Variants in SH3GL3 observed in about 807,000 individuals in gnomAD.
The protein encoded by SH3GL3 is endophilin-A3.
In SH3GL3, 33 loss-of-function variants were observed where a neutral mutation model predicts 47.7. That is an observed-to-expected ratio of 0.69 (90% CI 0.52 to 0.92). The LOEUF is 0.92. SH3GL3 is among the 40% of genes least tolerant of loss of function. The probability of loss-of-function intolerance (pLI) is 0.00; values close to 1 mark genes in which losing one functional copy is unlikely to be tolerated. For synonymous variants in SH3GL3, 155 were observed against 148.8 expected (o/e 1.04, Z -0.30); for missense variants, 363 against 417.8 (o/e 0.87, Z 1.14).
chr15:83,559,451 A>G, intron 2 of SH3GL3, 130 bp downstream of exon 2: 3 of 618,942 alleles, frequency 4.8e-6, no homozygotes, highest in Non-Finnish European at 2.9e-6. Flanking sequence ...TATGCAATCT[A>G]CAAGGCAGTA....
intron 8 of SH3GL3, among the ~76,000 whole-genome samples, chr15:83,592,587 T>C (rs1183567517): frequency 6.6e-6 from 1 of 152,230 alleles, no homozygotes; most frequent in Non-Finnish European, 1.5e-5. Context: ...GTGGGAACAT[T>C]GGTGTCAGGG....
At chr15:83,534,573 A>C (rs1003589032) in intron 1 of SH3GL3, among the ~76,000 whole-genome samples, 1 of 152,262 alleles carries the variant, frequency 6.6e-6, no homozygotes, top group Non-Finnish European at 1.5e-5. Context: ...GACTTCATAA[A>C]GAAGAAATTT....
At chr15:83,633,148 G>A in the SH3GL3 span, among the ~76,000 whole-genome samples, 1,725 of 150,716 alleles carry the variant, frequency 0.011, 13 homozygotes, top group South Asian at 0.022. Flanking sequence ...TAGGAAAACC[G>A]ATGCAAAATA....
At chr15:83,578,422 C>T (rs1324633194) in intron 6 of SH3GL3, among the ~76,000 whole-genome samples, 3 of 152,168 alleles carry the variant, frequency 2.0e-5, no homozygotes, top group Admixed American at 6.5e-5. Context: ...ACCATGTCGT[C>T]CTTATAACAG....
downstream of SH3GL3, among the ~76,000 whole-genome samples, chr15:83,621,018 T>C (rs780850737): frequency 1.3e-5 from 2 of 152,228 alleles, no homozygotes; most frequent in Non-Finnish European, 2.9e-5. Flanking sequence ...CCACCCCTGC[T>C]AGCCTCAGAC....
chr15:83,542,561 A>G (rs1007767159), intron 1 of SH3GL3, among the ~76,000 whole-genome samples: 9 of 152,138 alleles, frequency 5.9e-5, no homozygotes, highest in African/African-American at 1.9e-4. Context: ...TTGCTTTAGT[A>G]GGTATGAAAT....
intron 1 of SH3GL3, among the ~76,000 whole-genome samples, chr15:83,523,524 C>T (rs2043293092): frequency 1.3e-5 from 2 of 152,170 alleles, no homozygotes; most frequent in South Asian, 4.1e-4. Context: ...CAAGCCTTCC[C>T]AGAGGGCAGT....
chr15:83,490,161 T>C (rs941172725), intron 1 of SH3GL3, among the ~76,000 whole-genome samples: 1 of 152,064 alleles, frequency 6.6e-6, no homozygotes, highest in African/African-American at 2.4e-5. Context: ...TGGGGCCCCT[T>C]AGGGGTCTCC....
intron 1 of SH3GL3, among the ~76,000 whole-genome samples, chr15:83,550,752 T>A (rs1049027499): frequency 3.3e-5 from 5 of 152,190 alleles, no homozygotes; most frequent in African/African-American, 1.2e-4. Flanking sequence ...AATTTTGTTT[T>A]CCCTGTGTTT....
At chr15:83,620,574 G>A (rs1442847634), downstream of SH3GL3, among the ~76,000 whole-genome samples, 1 of 152,206 alleles carries the variant, frequency 6.6e-6, no homozygotes, top group Non-Finnish European at 1.5e-5. Context: ...CTTTTTCTCT[G>A]AACGGTAGAT....
chr15:83,627,005 G>A, the SH3GL3 span, among the ~76,000 whole-genome samples: 3 of 152,120 alleles, frequency 2.0e-5, no homozygotes, highest in African/African-American at 7.2e-5. Context: ...CATTCCCTCT[G>A]TGGCTCTAAT....
intron 1 of SH3GL3, among the ~76,000 whole-genome samples, chr15:83,545,802 C>T (rs532043096): frequency 1.3e-5 from 2 of 152,296 alleles, no homozygotes; most frequent in South Asian, 4.1e-4. Flanking sequence ...CCTCAGTGGT[C>T]TTGGGTAAGA....
intron 4 of SH3GL3, among the ~76,000 whole-genome samples, chr15:83,571,858 AG>A (rs2045833865): frequency 6.6e-6 from 1 of 152,188 alleles, no homozygotes; most frequent in Admixed American, 6.5e-5. Context: ...AGAGAACTAG[AG>A]GGCACCTGGT....
intron 1 of SH3GL3, among the ~76,000 whole-genome samples, chr15:83,515,525 T>G (rs1367325416): frequency 6.8e-6 from 1 of 147,420 alleles, no homozygotes. Flanking sequence ...CCCATGCAGG[T>G]GGGGGGGGAG....
At chr15:83,578,313 C>T (rs1245389906) in intron 6 of SH3GL3, among the ~76,000 whole-genome samples, 5 of 152,156 alleles carry the variant, frequency 3.3e-5, no homozygotes, top group African/African-American at 9.7e-5. Context: ...CTGGCTTCAG[C>T]GATGCCAGGA....
At chr15:83,548,126 C>A (rs186026332) in intron 1 of SH3GL3, among the ~76,000 whole-genome samples, 1 of 151,394 alleles carries the variant, frequency 6.6e-6, no homozygotes, top group Admixed American at 6.6e-5. Flanking sequence ...ATAGACCATA[C>A]AACAAGAGTC....
intron 1 of SH3GL3, among the ~76,000 whole-genome samples, chr15:83,489,844 TAGA>T (rs2041786429): frequency 1.4e-5 from 1 of 73,836 alleles, no homozygotes; most frequent in Non-Finnish European, 3.0e-5. Flanking sequence ...AGCCGATAGA[TAGA>T]TAGATAGATA....
At chr15:83,477,338 T>C (rs1470100995) in intron 1 of SH3GL3, among the ~76,000 whole-genome samples, 1 of 152,210 alleles carries the variant, frequency 6.6e-6, no homozygotes, top group African/African-American at 2.4e-5. Context: ...TGCCTTCTCC[T>C]TTGCTTCATT....
intron 1 of SH3GL3, among the ~76,000 whole-genome samples, chr15:83,501,289 C>T (rs909086091): frequency 5.3e-5 from 8 of 152,208 alleles, no homozygotes; most frequent in African/African-American, 7.2e-5. Context: ...GAAACTTAAG[C>T]GACTCAAGTT....
Sources: gnomAD v4.1 joint callset for allele counts (sites outside exome capture counted in the v4.1 genomes callset) on GRCh38, gnomAD v4.1.1 for gene constraint, MANE v1.5 for transcripts, NCBI Gene and HGNC (gene_info 2026-07-23, HGNC 2026-07-21) for gene names.